The following LHFPL3 variants were observed in gnomAD, a reference collection of about 807,000 sequenced individuals.
The protein encoded by LHFPL3 is LHFPL tetraspan subfamily member 3.
Under a neutral mutation model 19.3 loss-of-function variants are expected in LHFPL3, and 5 were observed. The observed-to-expected ratio is 0.26, with a 90% CI of 0.14 to 0.54. The LOEUF (loss-of-function observed/expected upper bound fraction) is 0.54. Ranked by LOEUF, LHFPL3 falls within the 20% of genes least tolerant of loss-of-function variation. The probability of loss-of-function intolerance (pLI) is 0.94; values close to 1 mark genes in which losing one functional copy is unlikely to be tolerated. For missense variants in LHFPL3, 249 were observed against 307.4 expected (o/e 0.81, Z 1.42); for synonymous variants, 133 against 126.2 (o/e 1.05, Z -0.36).
chr7:104,381,243 A>C (rs535903742), intron 1 of LHFPL3, among the ~76,000 whole-genome samples: 1 of 152,278 alleles, frequency 6.6e-6, no homozygotes, highest in African/African-American at 2.4e-5. Flanking sequence ...TGTACAGATC[A>C]AGTTGAGTAA....
chr7:104,659,794 A>C (rs925536278), intron 1 of LHFPL3, among the ~76,000 whole-genome samples: 15 of 152,108 alleles, frequency 9.9e-5, no homozygotes, highest in African/African-American at 3.6e-4. Flanking sequence ...CTACTGTAGA[A>C]GGTTGTCTTG....
chr7:104,697,772 GA>G (rs1183986447), intron 1 of LHFPL3, among the ~76,000 whole-genome samples: 1 of 152,092 alleles, frequency 6.6e-6, no homozygotes, highest in South Asian at 2.1e-4. Flanking sequence ...GTATAAGGGG[GA>G]AAAAACAGCT....
intron 1 of LHFPL3, among the ~76,000 whole-genome samples, chr7:104,511,725 G>C (rs968105573): frequency 1.3e-5 from 2 of 151,976 alleles, no homozygotes; most frequent in Non-Finnish European, 1.5e-5. Context: ...ACATTGCTTG[G>C]GTGATGGGTG....
intron 1 of LHFPL3, among the ~76,000 whole-genome samples, chr7:104,697,583 ATATAAG>A (rs1241747867): frequency 3.3e-5 from 5 of 152,258 alleles, no homozygotes; most frequent in Admixed American, 2.0e-4. Context: ...AGGTCAAAGA[ATATAAG>A]TATAATAATT....
intron 2 of LHFPL3, among the ~76,000 whole-genome samples, chr7:104,793,159 G>T (rs1004120948): frequency 6.6e-6 from 1 of 152,190 alleles, no homozygotes. Flanking sequence ...GCCTCCCAAA[G>T]TGATGGGATT....
intron 2 of LHFPL3, among the ~76,000 whole-genome samples, chr7:104,816,691 C>T (rs943190093): frequency 4.6e-5 from 7 of 152,242 alleles, no homozygotes; most frequent in South Asian, 2.1e-4. Context: ...TTCAAAGGCA[C>T]ACAGTGGCTG....
intron 2 of LHFPL3, among the ~76,000 whole-genome samples, chr7:104,856,637 T>A (rs1269695454): frequency 6.6e-6 from 1 of 152,260 alleles, no homozygotes; most frequent in Non-Finnish European, 1.5e-5. Context: ...AATTTCAGTG[T>A]ATTATTAAAT....
chr7:104,743,075 C>G (rs113560506), intron 2 of LHFPL3, among the ~76,000 whole-genome samples: 2,930 of 152,210 alleles, frequency 0.019, 51 homozygotes, highest in Non-Finnish European at 0.028. Flanking sequence ...GAGCAGAGAT[C>G]ACGCCACTGC....
chr7:104,714,119 G>A (rs962030089), intron 1 of LHFPL3, among the ~76,000 whole-genome samples: 1 of 152,198 alleles, frequency 6.6e-6, no homozygotes. Context: ...GTTAGAACTT[G>A]AAGTTGAAAG....
intron 1 of LHFPL3, among the ~76,000 whole-genome samples, chr7:104,364,221 T>C (rs1018648271): frequency 1.3e-5 from 2 of 152,210 alleles, no homozygotes; most frequent in African/African-American, 4.8e-5. Flanking sequence ...ATAAGAGCCA[T>C]TGGCTATAGG....
At chr7:104,661,819 C>A (rs750916850) in intron 1 of LHFPL3, among the ~76,000 whole-genome samples, 2 of 152,198 alleles carry the variant, frequency 1.3e-5, no homozygotes, top group African/African-American at 4.8e-5. Flanking sequence ...AGAACTTTCA[C>A]CTTTTCACTT....
intron 1 of LHFPL3, among the ~76,000 whole-genome samples, chr7:104,475,003 T>C (rs1258492956): frequency 6.6e-6 from 1 of 152,242 alleles, no homozygotes; most frequent in Non-Finnish European, 1.5e-5. Context: ...AAGAAGACTG[T>C]ACTTCATGTT....
At chr7:104,546,294 A>G (rs1794577434) in intron 1 of LHFPL3, among the ~76,000 whole-genome samples, 1 of 152,220 alleles carries the variant, frequency 6.6e-6, no homozygotes, top group Non-Finnish European at 1.5e-5. Context: ...TGTAAATTCT[A>G]GTGGAAATAC....
intron 1 of LHFPL3, among the ~76,000 whole-genome samples, chr7:104,676,779 G>C (rs1792600988): frequency 6.6e-6 from 1 of 152,206 alleles, no homozygotes; most frequent in African/African-American, 2.4e-5. Flanking sequence ...TTTGTAAAGT[G>C]GTACACATTT....
At chr7:104,727,954 G>A (rs79928434) in intron 1 of LHFPL3, among the ~76,000 whole-genome samples, 22,190 of 152,042 alleles carry the variant, frequency 0.15, 2,451 homozygotes, top group East Asian at 0.62. Context: ...GCAGAGAAAA[G>A]TTAGGCCTGT....
At chr7:104,884,245 A>C (rs1393610785) in intron 2 of LHFPL3, among the ~76,000 whole-genome samples, 1 of 152,074 alleles carries the variant, frequency 6.6e-6, no homozygotes, top group East Asian at 1.9e-4. Context: ...ATTCCCTTCT[A>C]TTCTGGGCTC....
intron 2 of LHFPL3, among the ~76,000 whole-genome samples, chr7:104,880,589 C>A (rs1018081952): frequency 5.3e-5 from 8 of 151,274 alleles, no homozygotes; most frequent in African/African-American, 1.2e-4. Flanking sequence ...AGAAATGGAA[C>A]AACAAAGCCT....
intron 2 of LHFPL3, among the ~76,000 whole-genome samples, chr7:104,880,463 C>T (rs73184018): frequency 0.15 from 22,170 of 152,016 alleles, 2,182 homozygotes; most frequent in Non-Finnish European, 0.22. Context: ...GCAACACAAA[C>T]GGAATAATAC....
intron 1 of LHFPL3, among the ~76,000 whole-genome samples, chr7:104,704,081 C>G (rs1793145922): frequency 6.6e-6 from 1 of 152,124 alleles, no homozygotes. Flanking sequence ...CAGTGGTGTG[C>G]TAGAGCTGAT....
Sources: gnomAD v4.1 joint callset for allele counts (sites outside exome capture counted in the v4.1 genomes callset) on GRCh38, gnomAD v4.1.1 for gene constraint, MANE v1.5 for transcripts, NCBI Gene and HGNC (gene_info 2026-07-23, HGNC 2026-07-21) for gene names.